UCP3: variants seen among roughly 807,000 people sequenced by gnomAD.
UCP3 encodes the protein putative mitochondrial transporter UCP3.
UCP3 carries 24 observed loss-of-function variants against 28.1 expected under a neutral mutation model. That is an observed-to-expected ratio of 0.85 (90% CI 0.62 to 1.20). The LOEUF is 1.20. Ranked by LOEUF, UCP3 falls within the 50% of genes most tolerant of loss-of-function variation. UCP3 has a pLI of 0.00. For missense variants in UCP3, 397 were observed against 422.2 expected (o/e 0.94, Z 0.52); for synonymous variants, 184 against 171.2 (o/e 1.07, Z -0.59).
Position 74,001,020 on chromosome 11 carries a change from C to T in UCP3, c.*392G>A, listed in dbSNP as rs1951618211. On this transcript the variant is annotated 3_prime_UTR_variant, in exon 7 of 7. Coordinates refer to ENST00000314032, the MANE Select transcript of UCP3 (RefSeq NM_003356.4). ...TGATCTCCCACTCCATTGTGGGCCC[C>T]TCCTGTCCCGTGCTTGCCATCCTTC... 7.2e-6 allele frequency: 2 copies of T among 278,662 alleles called. No individual in the cohort carries two copies. The highest frequency in any genetic ancestry group is 1.2e-3 in the Middle Eastern group (1 of 822). 17.3% of individuals were successfully genotyped at this position (278,662 alleles called of 1,614,324 possible).
At chr11:74,003,803 T>A in intron 6 of UCP3, 24 bp downstream of exon 6, 1 of 1,557,310 alleles carries the variant, frequency 6.4e-7, no homozygotes, top group South Asian at 1.2e-5. Context: ...TGGGAGGGAG[T>A]GCTGGAGGCA....
intron 2 of UCP3, 22 bp from the exon 3 acceptor site, chr11:74,006,401 T>C: frequency 6.6e-7 from 1 of 1,524,776 alleles, no homozygotes; most frequent in Non-Finnish European, 8.8e-7. Flanking sequence ...TAGCAGGGGG[T>C]GAGGACTCAG....
rs1951614790 is a variant in UCP3 at position 74,000,564 on chromosome 11, CCTT to C, written c.*845_*847del. On this transcript the variant is annotated 3_prime_UTR_variant, in exon 7 of 7. Transcript: ENST00000314032. ...CCTCTAGACAACCGTATCTTTCAAACCTTCTTCCCTGGCAACTCCTCTCTGTCC... is the reference window on the plus strand; with the variant it reads ...CCTCTAGACAACCGTATCTTTCAAACCTTCCCTGGCAACTCCTCTCTGTCC... 6.6e-6 allele frequency: 1 copy of C among 152,344 alleles called. No individual in the cohort carries two copies. The highest frequency in any genetic ancestry group is 2.1e-4 in the South Asian group (1 of 4,830). The allele number at this position is 152,344 out of a possible 1,614,324, so 9.4% of individuals were successfully genotyped here.
chr11:74,005,887 G>A lies in UCP3; in HGVS notation c.384C>T (p.Ala128=), dbSNP rs750127134. The change falls in exon 4 of 7, where the codon GCC becomes GCT. Residue 128 remains alanine, a synonymous_variant. Coordinates refer to ENST00000314032, the MANE Select transcript of UCP3 (RefSeq NM_003356.4). The stretch of plus-strand genomic sequence containing the variant: ...TGGGCTGGGCACAGGTCACCGCCAT[G>A]GCTCCTGTGGTGCAGCCGGCCAAAA... ...TRILAGCTTG[A]MAVTCAQPTD... 3 of 1,614,082 alleles carry A rather than the reference G, an allele frequency of 1.9e-6. No individual in the cohort carries two copies. Among genetic ancestry groups the A allele is most frequent in the East Asian group, 2.2e-5 (1 of 44,890 alleles).
chr11:74,008,985 T>A lies in UCP3; in HGVS notation c.-103A>T, dbSNP rs1162846645. ...AGGAGAAAGGGGTCTTACCTGTGAG[T>A]CCTGCCACGGCAGGGGCAGCACAGG... On this transcript the variant is annotated 5_prime_UTR_variant, in exon 1 of 7. Coordinates refer to ENST00000314032, the MANE Select transcript of UCP3 (RefSeq NM_003356.4). 1 of 152,214 alleles carries A rather than the reference T, an allele frequency of 6.6e-6. No homozygotes were observed. Among genetic ancestry groups the A allele is most frequent in the African/African-American group, 2.4e-5 (1 of 41,398 alleles). The allele number at this position is 152,214 out of a possible 1,614,324, so 9.4% of individuals were successfully genotyped here. A position where few individuals can be genotyped will look rare whatever the true frequency, so the allele number is the denominator to read the frequency against.
chr11:74,005,726 C>A lies in UCP3; in HGVS notation c.541+4G>T. ...GACCGCCTGCGTCCAGAGTCCAGAC[C>A]TACCTTTCCACAGGCCCCTGACTCC... On this transcript the variant is annotated splice_donor_region_variant and intron_variant, in intron 4 of 6. Transcript: ENST00000314032. 6.2e-7 allele frequency: 1 copy of A among 1,614,076 alleles called. No homozygotes were observed. Among genetic ancestry groups the A allele is most frequent in the Admixed American group, 1.7e-5 (1 of 60,030 alleles).
Position 74,004,573 on chromosome 11 carries a change from T to G in UCP3, c.554A>C (p.Asn185Thr), listed in dbSNP as rs545866603. 2 of 1,613,526 alleles carry G rather than the reference T, an allele frequency of 1.2e-6. No homozygotes were observed. The highest frequency in any genetic ancestry group is 2.7e-5 in the African/African-American group (2 of 74,896). ...VRGLWKGTLP[N>T]IMRNAIVNCA... Reference sequence around the variant, plus strand: ...GTTGACGATAGCATTCCTCATGATGTTGGGCAAAGTTCCTGTTAGGAAGGC... The same window carrying G: ...GTTGACGATAGCATTCCTCATGATGGTGGGCAAAGTTCCTGTTAGGAAGGC... The change falls in exon 5 of 7, where the codon AAC becomes ACC. Residue 185 changes from asparagine (N) to threonine (T), a missense_variant. Coordinates refer to ENST00000314032, the MANE Select transcript of UCP3 (RefSeq NM_003356.4).
At position 74,000,657 on chromosome 11, in the gene UCP3, A is replaced by T; in HGVS notation, c.*755T>A. 1 of 152,182 alleles carries T rather than the reference A, an allele frequency of 6.6e-6. No homozygotes were observed. The highest frequency in any genetic ancestry group is 1.5e-5 in the Non-Finnish European group (1 of 68,036). The allele number at this position is 152,182 out of a possible 1,614,324, so 9.4% of individuals were successfully genotyped here. ...TTTACACAGAGCTTTTGCTTTTATA[A>T]AGTGCGTTCATGCCCAGCTTCTCAC... On this transcript the variant is annotated 3_prime_UTR_variant, in exon 7 of 7. Coordinates refer to ENST00000314032, the MANE Select transcript of UCP3 (RefSeq NM_003356.4).
chr11:74,007,782 T>G (rs1300223448), intron 1 of UCP3, among the ~76,000 whole-genome samples: 1 of 152,148 alleles, frequency 6.6e-6, no homozygotes, highest in Non-Finnish European at 1.5e-5. Context: ...GTAGTCAAGC[T>G]GCGGGAGGAG....
chr11:74,004,552 A>G lies in UCP3; in HGVS notation c.575T>C (p.Val192Ala), dbSNP rs2135387538. 1 of 1,613,874 alleles carries G rather than the reference A, an allele frequency of 6.2e-7. No individual in the cohort carries two copies. Among genetic ancestry groups the G allele is most frequent in the East Asian group, 2.2e-5 (1 of 44,870 alleles). The change falls in exon 5 of 7, where the codon GTC becomes GCC. Residue 192 changes from valine to alanine, a missense_variant. Transcript: ENST00000314032. ...TLPNIMRNAI[V>A]NCAEVVTYDI... ...GTAGGTCACCACCTCAGCACAGTTG[A>G]CGATAGCATTCCTCATGATGTTGGG...
At chr11:74,003,042 CTTAG>C in intron 6 of UCP3, 3 of 761,754 alleles carry the variant, frequency 3.9e-6, no homozygotes, top group African/African-American at 1.9e-5. Context: ...CAGTCTTTTC[CTTAG>C]TTAATGTGGA....
Position 74,005,772 on chromosome 11 carries a change from T to C in UCP3, c.499A>G (p.Arg167Gly), listed in dbSNP as rs1383233993. 1 of 1,614,122 alleles carries C rather than the reference T, an allele frequency of 6.2e-7. No homozygotes were observed. The highest frequency in any genetic ancestry group is 1.3e-5 in the African/African-American group (1 of 74,942). ...ACTCCTTCCTCCCTGGCGATGGTTCTGTAGGCGTCCATAGTCCCGCTGTAT... is the reference window on the plus strand; with the variant it reads ...ACTCCTTCCTCCCTGGCGATGGTTCCGTAGGCGTCCATAGTCCCGCTGTAT... ...RKYSGTMDAY[R>G]TIAREEGVRG... Residue 167 changes from arginine (R) to glycine (G), a missense_variant, in exon 4 of 7, where the codon AGA becomes GGA. Coordinates refer to ENST00000314032, the MANE Select transcript of UCP3 (RefSeq NM_003356.4).
rs1591235472 is a variant in UCP3 at position 74,004,555 on chromosome 11, A to C, written c.572T>G (p.Ile191Ser). 1 of 1,613,866 alleles carries C rather than the reference A, an allele frequency of 6.2e-7. No individual in the cohort carries two copies. The highest frequency in any genetic ancestry group is 2.2e-5 in the East Asian group (1 of 44,868). ...GTLPNIMRNA[I>S]VNCAEVVTYD... ...GGTCACCACCTCAGCACAGTTGACG[A>C]TAGCATTCCTCATGATGTTGGGCAA... The change falls in exon 5 of 7, where the codon ATC becomes AGC. Residue 191 changes from isoleucine to serine, a missense_variant. Transcript: ENST00000314032.
chr11:74,003,915 T>C lies in UCP3; in HGVS notation c.736A>G (p.Met246Val), dbSNP rs756721587. ...SPVDVVKTRY[M>V]NSPPGQYFSP... is the part of the protein sequence containing the mutation. ...AAGTACTGGCCTGGAGGTGAGTTCA[T>C]ATACCGGGTCTTCACCACGTCCACC... The change falls in exon 6 of 7, where the codon ATG (methionine) becomes GTG (valine). Residue 246 changes from methionine (M) to valine (V), a missense_variant. Coordinates refer to ENST00000314032, the MANE Select transcript of UCP3 (RefSeq NM_003356.4). 1 of 1,614,146 alleles carries C rather than the reference T, an allele frequency of 6.2e-7. No individual in the cohort carries two copies. The highest frequency in any genetic ancestry group is 8.5e-7 in the Non-Finnish European group (1 of 1,180,038).
Position 74,005,824 on chromosome 11 carries a change from G to A in UCP3, c.447C>T (p.His149=). The A allele has an allele frequency of 1.2e-6, 2 of 1,614,236 alleles. No homozygotes were observed. Among genetic ancestry groups the A allele is most frequent in the Non-Finnish European group, 1.7e-6 (2 of 1,180,048 alleles). Residue 149 remains histidine, a synonymous_variant, in exon 4 of 7, where the codon CAC becomes CAT. Coordinates refer to ENST00000314032, the MANE Select transcript of UCP3 (RefSeq NM_003356.4). ...VVKVRFQASI[H]LGPSRSDRKY... ...TTCTGTCGCTCCTGGATGGCCCGAG[G>A]TGTATGCTGGCCTGAAATCGGACCT... is the stretch of plus-strand genomic sequence containing the variant.
chr11:74,001,251 T>A lies in UCP3; in HGVS notation c.*161A>T, dbSNP rs1951619533. On this transcript the variant is annotated 3_prime_UTR_variant, in exon 7 of 7. Transcript: ENST00000314032. ...TGAGGCATGGCAGTGAAGACCAGAA[T>A]CCCTCCTCCTCTTCTACTTCTGTTT... 6 of 671,658 alleles carry A rather than the reference T, an allele frequency of 8.9e-6. No individual in the cohort carries two copies. The Admixed American group carries it at 1.3e-4, about 14-fold the overall frequency. The allele number at this position is 671,658 out of a possible 1,614,324, so 41.6% of individuals were successfully genotyped here.
intron 3 of UCP3, 52 bp downstream of exon 3, chr11:74,006,117 G>A: frequency 1.9e-6 from 3 of 1,605,872 alleles, no homozygotes; most frequent in Non-Finnish European, 2.6e-6. Context: ...CTGGTCTCTT[G>A]ACCCACACAC....
At position 74,001,641 on chromosome 11, in the gene UCP3, A is replaced by G. The variant is rs567608903; in HGVS notation, c.825-115T>C. 4 of 888,316 alleles carry G rather than the reference A, an allele frequency of 4.5e-6. No individual in the cohort carries two copies. In the South Asian group the frequency reaches 5.7e-5, roughly 13 times the overall value. 55.0% of individuals were successfully genotyped at this position (888,316 alleles called of 1,614,324 possible). ...GAGGATCCAGACTTCTGTTCATCAC[A>G]AGCATTTTCTGAATCCTTTCAGTCT... On this transcript the variant is annotated intron_variant, in intron 6 of 6. Transcript: ENST00000314032.
At chr11:74,006,844 G>T in intron 2 of UCP3, 73 bp downstream of exon 2, 1 of 1,611,294 alleles carries the variant, frequency 6.2e-7, no homozygotes, top group South Asian at 1.1e-5. Context: ...GTGGGCACAC[G>T]TCATGGGGGA....
Sources: gnomAD v4.1 joint callset for allele counts (sites outside exome capture counted in the v4.1 genomes callset) on GRCh38, gnomAD v4.1.1 for gene constraint, MANE v1.5 for transcripts, NCBI Gene and HGNC (gene_info 2026-07-23, HGNC 2026-07-21) for gene names.